The following STX18 variants were observed in gnomAD, a reference collection of about 807,000 sequenced individuals.
STX18 encodes the protein syntaxin 18.
A neutral mutation model predicts 50.1 loss-of-function variants in STX18; 40 were observed. That is an observed-to-expected ratio of 0.80 (90% CI 0.62 to 1.04). The LOEUF (loss-of-function observed/expected upper bound fraction) is 1.04. Among genes scored for constraint, STX18 ranks in the 50% least tolerant of loss-of-function variants. The probability of loss-of-function intolerance (pLI) is 0.00; values close to 1 mark genes in which losing one functional copy is unlikely to be tolerated. For missense variants in STX18, 410 were observed against 415.8 expected, an observed-to-expected ratio of 0.99 and a Z score of 0.12; for synonymous variants, 158 against 151.8, an observed-to-expected ratio of 1.04 and a Z score of -0.30.
intron 2 of STX18, among the ~76,000 whole-genome samples, chr4:4,470,099 AT>A (rs1259463888): frequency 6.6e-6 from 1 of 152,280 alleles, no homozygotes; most frequent in East Asian, 1.9e-4. Context: ...GAATATTTGT[AT>A]TTTACCCCCA....
In STX18 at chr4:4,509,412, T is replaced by C. The variant is rs143608620; in HGVS notation, c.168+32385A>G. Among the ~76,000 whole-genome samples, 755 of 152,310 alleles carry C rather than the reference T, an allele frequency of 5.0e-3. 2 individuals are homozygous for C. Among genetic ancestry groups the C allele is most frequent in the African/African-American group, 0.018 (729 of 41,574 alleles). The stretch of plus-strand genomic sequence containing the variant: ...TTGCCCACTTTTTAAAGGGTTTTTT[T>C]TTTCTTGTAAATTTGTTTAAGTTCC... On this transcript the variant is annotated intron_variant, in intron 1 of 10. Coordinates refer to ENST00000306200, the MANE Select transcript of STX18 (RefSeq NM_016930.4).
At chr4:4,453,517 A>T (rs147169749) in intron 5 of STX18, 2 of 176,952 alleles carry the variant, frequency 1.1e-5, no homozygotes, top group Non-Finnish European at 2.2e-5. Flanking sequence ...ATGTTATTGC[A>T]CACTTTATAG....
chr4:4,496,505 C>A (rs943419387), intron 1 of STX18, among the ~76,000 whole-genome samples: 3 of 152,184 alleles, frequency 2.0e-5, no homozygotes, highest in Non-Finnish European at 4.4e-5. Context: ...TCACTTGTGG[C>A]CCTGTCTTTG....
chr4:4,489,359 A>G (rs190737779), intron 1 of STX18, among the ~76,000 whole-genome samples: 1 of 150,398 alleles, frequency 6.6e-6, no homozygotes, highest in East Asian at 1.9e-4. Context: ...CAAGGCAAGA[A>G]ACTCAAAGCA....
In STX18 at chr4:4,433,534, TA is replaced by T. The variant is rs10676475; in HGVS notation, c.702+1235del. Among the ~76,000 whole-genome samples the T allele has an allele frequency of 4.1e-3, 452 of 111,050 alleles. 2 individuals carry two copies. Among genetic ancestry groups the T allele is most frequent in the Middle Eastern group, 0.018 (4 of 220 alleles). 72.9% of individuals were successfully genotyped at this position (111,050 alleles called of 152,430 possible). A position where few individuals can be genotyped will look rare whatever the true frequency, so the allele number is the denominator to read the frequency against. Reference sequence around the variant, plus strand: ...AGAATGATCAATAAAAAAAATAAATTAAAAAAAAAAAAAAAAAAAGAATTCC... The same window carrying T: ...AGAATGATCAATAAAAAAAATAAATTAAAAAAAAAAAAAAAAAAGAATTCC... On this transcript the variant is annotated intron_variant, in intron 7 of 10. Coordinates refer to ENST00000306200, the MANE Select transcript of STX18 (RefSeq NM_016930.4).
chr4:4,487,378 G>A (rs1235366870), intron 1 of STX18, among the ~76,000 whole-genome samples: 2 of 152,130 alleles, frequency 1.3e-5, no homozygotes, highest in Admixed American at 1.3e-4. Context: ...AAATCATATT[G>A]AACATTTAGT....
At chr4:4,521,560 CCAAT>C (rs1263688225) in intron 1 of STX18, among the ~76,000 whole-genome samples, 1 of 151,978 alleles carries the variant, frequency 6.6e-6, no homozygotes. Flanking sequence ...AAAGGTTTCA[CCAAT>C]CATTATATCA....
intron 1 of STX18, among the ~76,000 whole-genome samples, chr4:4,538,126 A>G (rs1307268517): frequency 6.6e-6 from 1 of 151,964 alleles, no homozygotes; most frequent in Non-Finnish European, 1.5e-5. Context: ...CCACAAACAA[A>G]CAAACATGGG....
intron 9 of STX18, among the ~76,000 whole-genome samples, chr4:4,421,839 A>AG (rs1724982766): frequency 6.6e-6 from 1 of 152,250 alleles, no homozygotes; most frequent in Admixed American, 6.5e-5. Context: ...AATAGGATGC[A>AG]GGATGCTTAC....
intron 2 of STX18, among the ~76,000 whole-genome samples, chr4:4,468,534 T>G (rs979911944): frequency 4.6e-5 from 7 of 152,064 alleles, no homozygotes; most frequent in Non-Finnish European, 8.8e-5. Context: ...AAAGTCACCT[T>G]CCTTTCGTCC....
intron 7 of STX18, among the ~76,000 whole-genome samples, chr4:4,427,433 A>C (rs188074813): frequency 1.3e-5 from 2 of 152,242 alleles, no homozygotes; most frequent in Admixed American, 1.3e-4. Context: ...TAACTTCAAC[A>C]GTTACTTAAG....
At chr4:4,472,144 A>G (rs1359956180) in intron 1 of STX18, among the ~76,000 whole-genome samples, 1 of 152,246 alleles carries the variant, frequency 6.6e-6, no homozygotes, top group African/African-American at 2.4e-5. Flanking sequence ...CAGCAGAGTT[A>G]AAGCAAAGAT....
At chr4:4,482,488 T>A (rs952939763) in intron 1 of STX18, among the ~76,000 whole-genome samples, 1 of 152,180 alleles carries the variant, frequency 6.6e-6, no homozygotes, top group African/African-American at 2.4e-5. Flanking sequence ...TTAGAACACC[T>A]TGGCCATTTT....
At chr4:4,421,869 C>G (rs1027028530) in intron 9 of STX18, among the ~76,000 whole-genome samples, 1 of 152,152 alleles carries the variant, frequency 6.6e-6, no homozygotes, top group Non-Finnish European at 1.5e-5. Flanking sequence ...TTACTCCAAA[C>G]GAAGCCTTGA....
At chr4:4,488,032 T>G (rs1222866501) in intron 1 of STX18, among the ~76,000 whole-genome samples, 1 of 152,208 alleles carries the variant, frequency 6.6e-6, no homozygotes, top group Admixed American at 6.5e-5. Context: ...AGTTGTTTTT[T>G]TTTTAAATGT....
intron 1 of STX18, among the ~76,000 whole-genome samples, chr4:4,505,101 G>A (rs570608163): frequency 1.3e-5 from 2 of 152,202 alleles, no homozygotes; most frequent in South Asian, 4.2e-4. Flanking sequence ...CCCCAGTGCT[G>A]GGCAACCGAT....
At chr4:4,516,045 A>G (rs1001714083) in intron 1 of STX18, among the ~76,000 whole-genome samples, 1 of 151,784 alleles carries the variant, frequency 6.6e-6, no homozygotes, top group African/African-American at 2.4e-5. Flanking sequence ...CAAAAAATAA[A>G]ATTAGATATA....
intron 2 of STX18, among the ~76,000 whole-genome samples, chr4:4,464,113 A>G (rs1351933998): frequency 6.6e-6 from 1 of 152,224 alleles, no homozygotes; most frequent in African/African-American, 2.4e-5. Context: ...CGTTTTATAA[A>G]GATGAAATCC....
At chr4:4,500,328 G>A (rs568860469) in intron 1 of STX18, among the ~76,000 whole-genome samples, 12 of 152,150 alleles carry the variant, frequency 7.9e-5, no homozygotes, top group African/African-American at 1.9e-4. Flanking sequence ...AACCATGGAC[G>A]GAAAATATTT....
Sources: allele counts gnomAD v4.1 joint callset (sites outside exome capture counted in the v4.1 genomes callset), GRCh38; gene constraint gnomAD v4.1.1; transcripts MANE v1.5; gene names NCBI Gene and HGNC (gene_info 2026-07-23, HGNC 2026-07-21).